Variants in UTS2B observed in about 807,000 individuals in gnomAD.
The protein encoded by UTS2B is urotensin-2B.
Under a neutral mutation model 19.2 loss-of-function variants are expected in UTS2B, and 21 were observed. The observed-to-expected ratio is 1.09, with a 90% CI of 0.78 to 1.58. UTS2B has a LOEUF of 1.58. Among genes scored for constraint, UTS2B ranks in the 40% most tolerant of loss-of-function variants. The pLI, the probability that UTS2B is intolerant of heterozygous loss-of-function variation, is 0.00. For missense variants in UTS2B, 138 were observed against 130.3 expected (o/e 1.06, Z -0.29); for synonymous variants, 57 against 50.2 (o/e 1.14, Z -0.58).
chr3:191,315,769 G>A (rs529572854), intron 3 of UTS2B, among the ~76,000 whole-genome samples: 2 of 152,202 alleles, frequency 1.3e-5, no homozygotes, highest in African/African-American at 4.8e-5. Flanking sequence ...TCCTTCTTGG[G>A]CAAAAGTTCA....
intron 1 of UTS2B, chr3:191,328,980 C>T (rs1560150503): frequency 6.6e-6 from 1 of 152,196 alleles, no homozygotes; most frequent in Non-Finnish European, 1.5e-5. Context: ...CCTCTAATTC[C>T]GGGTGCAAAA....
At chr3:191,291,821 T>A (rs1716728135) in intron 4 of UTS2B, among the ~76,000 whole-genome samples, 1 of 137,078 alleles carries the variant, frequency 7.3e-6, no homozygotes, top group African/African-American at 2.9e-5. Context: ...TTATTTATTT[T>A]CGCATGTGGA....
intron 4 of UTS2B, among the ~76,000 whole-genome samples, chr3:191,289,036 A>G (rs1446677384): frequency 1.3e-5 from 2 of 152,222 alleles, no homozygotes; most frequent in Non-Finnish European, 2.9e-5. Flanking sequence ...TAAAATAAGC[A>G]AAAGACCTTA....
chr3:191,294,124 AAAAC>A (rs35925883), intron 4 of UTS2B, among the ~76,000 whole-genome samples: 35 of 150,780 alleles, frequency 2.3e-4, no homozygotes, highest in Middle Eastern at 3.4e-3. Context: ...AACAAAAACA[AAAAC>A]AAACAAACAA....
upstream of UTS2B, among the ~76,000 whole-genome samples, chr3:191,331,613 C>G (rs1384357371): frequency 6.6e-6 from 1 of 152,140 alleles, no homozygotes; most frequent in African/African-American, 2.4e-5. Flanking sequence ...TCGATGAGAT[C>G]ACTGTCTTTG....
At chr3:191,298,538 T>C (rs1716915667) in intron 4 of UTS2B, among the ~76,000 whole-genome samples, 1 of 152,188 alleles carries the variant, frequency 6.6e-6, no homozygotes, top group African/African-American at 2.4e-5. Context: ...CCAGAGCCAT[T>C]ATGCTTTCTG....
rs1193127646 is a variant in UTS2B at position 191,268,271 on chromosome 3, C to T, written c.*145G>A. 11 of 611,040 alleles carry T rather than the reference C, an allele frequency of 1.8e-5. No homozygotes were observed. The highest frequency in any genetic ancestry group is 3.0e-5 in the Non-Finnish European group (11 of 367,076). 37.9% of individuals were successfully genotyped at this position (611,040 alleles called of 1,614,324 possible). ...CTGGCATTGTCTTTACACAATCCCG[C>T]ATGCAATTTTGTATTTACAATAATC... is the stretch of plus-strand genomic sequence containing the variant. On this transcript the variant is annotated 3_prime_UTR_variant, in exon 9 of 9. Transcript: ENST00000340524.
At chr3:191,320,326 G>A (rs908558911) in intron 2 of UTS2B, among the ~76,000 whole-genome samples, 1 of 152,228 alleles carries the variant, frequency 6.6e-6, no homozygotes, top group African/African-American at 2.4e-5. Context: ...AAAAGGCCCT[G>A]AAGCAAGACT....
chr3:191,323,388 C>T (rs370029511), intron 2 of UTS2B, among the ~76,000 whole-genome samples: 1 of 152,112 alleles, frequency 6.6e-6, no homozygotes, highest in Non-Finnish European at 1.5e-5. Context: ...AGGCTAGTTT[C>T]GAACTTCTGA....
At chr3:191,291,563 C>A (rs1414035081) in intron 4 of UTS2B, among the ~76,000 whole-genome samples, 2 of 152,242 alleles carry the variant, frequency 1.3e-5, no homozygotes, top group Non-Finnish European at 2.9e-5. Context: ...TGCCATTCTC[C>A]TGCCTCAGCC....
At chr3:191,306,726 C>T (rs547824928) in intron 3 of UTS2B, among the ~76,000 whole-genome samples, 10 of 152,282 alleles carry the variant, frequency 6.6e-5, no homozygotes, top group African/African-American at 1.2e-4. Context: ...CTCCGCCTCC[C>T]GGGCTCAAGC....
At position 191,278,154 on chromosome 3, in the gene UTS2B, T is replaced by A; in HGVS notation, c.120A>T (p.Pro40=). 6.5e-7 allele frequency: 1 copy of A among 1,534,756 alleles called. No individual in the cohort carries two copies. ...PYLTQGNEIF[P]DKKYTNREEL... ...CCTCACGATTTGTATATTTTTTATC[T>A]GGAAATATTTCATTTCCTATAATGA... Residue 40 remains proline, a synonymous_variant, in exon 6 of 9, where the codon CCA becomes CCT. Transcript: ENST00000340524.
chr3:191,299,414 T>G (rs1333163959), intron 4 of UTS2B, among the ~76,000 whole-genome samples: 11 of 152,244 alleles, frequency 7.2e-5, no homozygotes, highest in Non-Finnish European at 1.5e-5. Flanking sequence ...ACAGCTCAGT[T>G]GCTTCAGCTC....
chr3:191,303,897 A>AC (rs1476746571), intron 4 of UTS2B, among the ~76,000 whole-genome samples: 1 of 152,150 alleles, frequency 6.6e-6, no homozygotes, highest in African/African-American at 2.4e-5. Context: ...GCACACACTT[A>AC]GTTAGGTCCA....
At chr3:191,291,984 T>C (rs1486927790) in intron 4 of UTS2B, among the ~76,000 whole-genome samples, 1 of 152,186 alleles carries the variant, frequency 6.6e-6, no homozygotes, top group Non-Finnish European at 1.5e-5. Flanking sequence ...AAATATTGTT[T>C]ATTAATGTAG....
intron 8 of UTS2B, chr3:191,273,631 A>C (rs1016748381): frequency 2.2e-6 from 1 of 456,054 alleles, no homozygotes; most frequent in Non-Finnish European, 4.4e-6. Context: ...TTATTACACC[A>C]TGCCTCTGAG....
intron 2 of UTS2B, among the ~76,000 whole-genome samples, chr3:191,324,164 G>C (rs577129460): frequency 6.6e-6 from 1 of 152,214 alleles, no homozygotes; most frequent in African/African-American, 2.4e-5. Flanking sequence ...ACCTTAGCTA[G>C]ATCATTTAGC....
chr3:191,273,518 G>A (rs146703840), intron 8 of UTS2B: 2 of 456,678 alleles, frequency 4.4e-6, no homozygotes, highest in East Asian at 6.9e-5. Flanking sequence ...TTCTGTTTTG[G>A]CAATGTTGGA....
Position 191,268,391 on chromosome 3 carries a change from T to G in UTS2B, c.*25A>C, listed in dbSNP as rs755142137. On this transcript the variant is annotated 3_prime_UTR_variant, in exon 9 of 9. Transcript: ENST00000340524. Reference sequence around the variant, plus strand: ...CATATATTTTCCTGATATTCTTATCTTTTTTTGCATCCAGAGAAAAAGCTT... The same window carrying G: ...CATATATTTTCCTGATATTCTTATCGTTTTTTGCATCCAGAGAAAAAGCTT... The G allele has an allele frequency of 5.0e-5, 77 of 1,538,100 alleles. 1 individual carries two copies. In the Middle Eastern group the frequency reaches 1.2e-3, roughly 24 times the overall value.
Sources: gnomAD v4.1 joint callset for allele counts (sites outside exome capture counted in the v4.1 genomes callset) on GRCh38, gnomAD v4.1.1 for gene constraint, MANE v1.5 for transcripts, NCBI Gene and HGNC (gene_info 2026-07-23, HGNC 2026-07-21) for gene names.